Variants in ROBO2 observed in about 807,000 individuals in gnomAD.
The protein encoded by ROBO2 is roundabout guidance receptor 2, also known as roundabout homolog 2.
ROBO2 carries 53 observed loss-of-function variants against 160.8 expected under a neutral mutation model. The ratio of observed to expected loss-of-function variants is 0.33; its 90% CI spans 0.26 to 0.41. ROBO2 has a LOEUF of 0.41. ROBO2 is among the 10% of genes least tolerant of loss of function. The probability of loss-of-function intolerance (pLI) is 1.00; values close to 1 mark genes in which losing one functional copy is unlikely to be tolerated. For synonymous variants in ROBO2, 664 were observed against 611.7 expected (o/e 1.09, Z -1.26); for missense variants, 1,577 against 1,722.4 (o/e 0.92, Z 1.49).
At chr3:76,781,445 T>A (rs548450140) in intron 2 of ROBO2, among the ~76,000 whole-genome samples, 6 of 150,938 alleles carry the variant, frequency 4.0e-5, no homozygotes, top group African/African-American at 1.4e-4. Context: ...CAGTACTACG[T>A]TGTTTAGAAA....
chr3:77,162,576 A>C (rs1452415344), intron 2 of ROBO2, among the ~76,000 whole-genome samples: 1 of 152,196 alleles, frequency 6.6e-6, no homozygotes, highest in Non-Finnish European at 1.5e-5. Context: ...TACATAATGG[A>C]AACAGTACAC....
intron 2 of ROBO2, among the ~76,000 whole-genome samples, chr3:76,543,194 T>C (rs2082907958): frequency 6.6e-6 from 1 of 152,206 alleles, no homozygotes; most frequent in Admixed American, 6.6e-5. Context: ...ACTCATCTGA[T>C]TGTTCACAAT....
rs182639546 is a variant in ROBO2, at chr3:77,580,320, C to T, written c.2500+202C>T. Among the ~76,000 whole-genome samples the T allele has an allele frequency of 2.6e-5, 4 of 152,110 alleles. No homozygotes were observed. In the East Asian group the frequency reaches 5.8e-4, roughly 22 times the overall value. On this transcript the variant is annotated intron_variant, in intron 16 of 25. Coordinates refer to ENST00000461745, the Ensembl canonical transcript of ROBO2. ...ATCATGCTCTTAAAAGTCCCAGAGC[C>T]TTATTAAAATTGCAATATTTAAGAG...
chr3:77,507,859 T>C lies in ROBO2; in HGVS notation c.806+14477T>C, dbSNP rs1279271685. 3.3e-5 allele frequency among the ~76,000 whole-genome samples: 5 copies of C among 152,218 alleles called. No individual in the cohort carries two copies. The South Asian group carries it at 8.3e-4, about 25-fold the overall frequency. On this transcript the variant is annotated intron_variant, in intron 5 of 25. Coordinates refer to ENST00000461745, the Ensembl canonical transcript of ROBO2. ...CAAGTTCTACTTATTCAAGAACTTA[T>C]TGAAAATAATACCTGCAATATTTTT...
chr3:76,366,987 A>ATTAG (rs2075848850), intron 2 of ROBO2, among the ~76,000 whole-genome samples: 1 of 152,024 alleles, frequency 6.6e-6, no homozygotes, highest in African/African-American at 2.4e-5. Flanking sequence ...TGTTAGCCAA[A>ATTAG]TTAGTGTGCA....
Position 77,426,886 on chromosome 3 carries a change from A to T in ROBO2, c.389-50528A>T, listed in dbSNP as rs140500783. ...GAAAATGATTAAAAATACAAATAAG[A>T]TTAACTCAGCTTCCAAAGTTCATAT... is the stretch of plus-strand genomic sequence containing the variant. On this transcript the variant is annotated intron_variant, in intron 2 of 25. Transcript: ENST00000461745. Among the ~76,000 whole-genome samples the T allele has an allele frequency of 9.9e-4, 151 of 152,330 alleles. 2 individuals are homozygous for T. The East Asian group carries it at 0.018, about 18-fold the overall frequency.
intron 2 of ROBO2, among the ~76,000 whole-genome samples, chr3:76,084,199 C>T (rs779160259): frequency 6.6e-6 from 1 of 152,048 alleles, no homozygotes; most frequent in Non-Finnish European, 1.5e-5. Context: ...GAATGCAAAT[C>T]TGAGAAACAA....
chr3:76,182,665 C>T (rs4855970), intron 2 of ROBO2, among the ~76,000 whole-genome samples: 3,605 of 152,140 alleles, frequency 0.024, 214 homozygotes, highest in East Asian at 0.2. Flanking sequence ...TATCACTCCG[C>T]GACCAACCAA....
At chr3:76,281,240 G>C (rs969285290) in intron 2 of ROBO2, among the ~76,000 whole-genome samples, 2 of 151,558 alleles carry the variant, frequency 1.3e-5, no homozygotes, top group Non-Finnish European at 3.0e-5. Flanking sequence ...AACACCAAGA[G>C]AGCATATTTT....
At chr3:76,584,212 AC>A (rs1421827912) in intron 2 of ROBO2, among the ~76,000 whole-genome samples, 1 of 152,130 alleles carries the variant, frequency 6.6e-6, no homozygotes, top group Non-Finnish European at 1.5e-5. Context: ...AGGAAATGGT[AC>A]CAACGTAGAA....
chr3:76,505,061 G>C (rs1054395768), intron 2 of ROBO2, among the ~76,000 whole-genome samples: 1 of 152,004 alleles, frequency 6.6e-6, no homozygotes, highest in Non-Finnish European at 1.5e-5. Context: ...TATTGAAAAG[G>C]AGAGAAAGAA....
Position 76,214,332 on chromosome 3 carries a change from G to T in ROBO2, c.109+276730G>T, listed in dbSNP as rs191305341. Among the ~76,000 whole-genome samples, 12 of 152,304 alleles carry T rather than the reference G, an allele frequency of 7.9e-5. No homozygotes were observed. The East Asian group carries it at 2.3e-3, about 29-fold the overall frequency. ...AAAACTCGGTCCCTCAGTGGGTGCA[G>T]TACACCGAGCATGAGCCAAAGCAGG... is the stretch of plus-strand genomic sequence containing the variant. On this transcript the variant is annotated intron_variant, in intron 2 of 26. Transcript: ENST00000487694.
chr3:77,446,334 T>C (rs1177163881), intron 2 of ROBO2, among the ~76,000 whole-genome samples: 1 of 152,040 alleles, frequency 6.6e-6, no homozygotes, highest in Non-Finnish European at 1.5e-5. Flanking sequence ...TCTCATATGA[T>C]AATGTTTTGC....
At chr3:76,186,456 A>C (rs1050591142) in intron 2 of ROBO2, among the ~76,000 whole-genome samples, 3 of 152,018 alleles carry the variant, frequency 2.0e-5, no homozygotes, top group Non-Finnish European at 4.4e-5. Context: ...TTTACCTTCC[A>C]GCACTAAACC....
chr3:76,776,100 T>C (rs149980845), intron 2 of ROBO2, among the ~76,000 whole-genome samples: 2 of 151,014 alleles, frequency 1.3e-5, no homozygotes, highest in Admixed American at 6.6e-5. Context: ...AAAATATTAT[T>C]ATGCCTTGAC....
chr3:76,508,518 A>T (rs145242193), intron 2 of ROBO2, among the ~76,000 whole-genome samples: 430 of 152,246 alleles, frequency 2.8e-3, no homozygotes, highest in African/African-American at 9.8e-3. Flanking sequence ...ACTAATGAAA[A>T]ATTATTAAGA....
intron 2 of ROBO2, among the ~76,000 whole-genome samples, chr3:77,402,407 C>T (rs950359750): frequency 5.3e-5 from 8 of 151,876 alleles, no homozygotes; most frequent in South Asian, 2.1e-4. Context: ...ATATTCTGCA[C>T]GTGTGTCCCA....
chr3:75,935,282 A>G (rs1947719475), intron 1 of ROBO2, among the ~76,000 whole-genome samples: 1 of 152,174 alleles, frequency 6.6e-6, no homozygotes, highest in Non-Finnish European at 1.5e-5. Context: ...TGCTTTCGGA[A>G]GTCTAGGTGG....
intron 24 of ROBO2, among the ~76,000 whole-genome samples, chr3:77,638,037 T>C (rs1202119728): frequency 3.3e-5 from 5 of 152,228 alleles, no homozygotes; most frequent in African/African-American, 1.2e-4. Context: ...TCAGCCCACA[T>C]ATCTTCCCAA....
Sources: allele counts gnomAD v4.1 joint callset (sites outside exome capture counted in the v4.1 genomes callset), GRCh38; gene constraint gnomAD v4.1.1; transcripts MANE v1.5; gene names NCBI Gene and HGNC (gene_info 2026-07-23, HGNC 2026-07-21).